Variants in EDAR observed in about 807,000 individuals in gnomAD.
The protein encoded by EDAR is tumor necrosis factor receptor superfamily member EDAR.
EDAR carries 38 observed loss-of-function variants against 51.3 expected under a neutral mutation model. That is an observed-to-expected ratio of 0.74 (90% confidence interval 0.57 to 0.97). The LOEUF (loss-of-function observed/expected upper bound fraction) is 0.97, where lower values mean the gene tolerates loss of function less well. EDAR is among the 50% of genes least tolerant of loss of function. EDAR has a pLI of 0.00. For missense variants in EDAR, 528 were observed against 595.0 expected, an observed-to-expected ratio of 0.89 and a Z score of 1.17; for synonymous variants, 227 against 242.1, an observed-to-expected ratio of 0.94 and a Z score of 0.58.
intron 1 of EDAR, among the ~76,000 whole-genome samples, chr2:108,963,173 C>T (rs1698086292): frequency 6.6e-6 from 1 of 152,204 alleles, no homozygotes; most frequent in African/African-American, 2.4e-5. Context: ...AACAGAGACA[C>T]ATTCCAGTTT....
intron 4 of EDAR, among the ~76,000 whole-genome samples, chr2:108,926,679 C>T (rs1697262600): frequency 1.3e-5 from 2 of 152,226 alleles, no homozygotes; most frequent in African/African-American, 4.8e-5. Flanking sequence ...CACACAACCT[C>T]TCCCAACAGG....
In EDAR at chr2:108,958,277, C is replaced by T. The variant is rs549484264; in HGVS notation, c.-18-27245G>A. Among the ~76,000 whole-genome samples the T allele has an allele frequency of 9.2e-5, 14 of 152,306 alleles. No homozygotes were observed. In the East Asian group the frequency reaches 2.3e-3, roughly 25 times the overall value. On this transcript the variant is annotated intron_variant, in intron 1 of 11. Transcript: ENST00000258443. ...CCTTAAGCTCACTGTTGAGACTCGCCTGTTTTCAAATCAACCGCAGACTGG... is the reference window on the plus strand; with the variant it reads ...CCTTAAGCTCACTGTTGAGACTCGCTTGTTTTCAAATCAACCGCAGACTGG...
chr2:108,962,254 G>A (rs750469878), intron 1 of EDAR, among the ~76,000 whole-genome samples: 5 of 152,194 alleles, frequency 3.3e-5, no homozygotes, highest in Non-Finnish European at 7.3e-5. Flanking sequence ...GTGAACCAAC[G>A]TTCATTCGCA....
At chr2:108,925,028 C>A (rs1697226851) in intron 4 of EDAR, among the ~76,000 whole-genome samples, 1 of 152,224 alleles carries the variant, frequency 6.6e-6, no homozygotes, top group South Asian at 2.1e-4. Flanking sequence ...CTCGCCCTTG[C>A]CTCCTCCACC....
rs144266727 is a variant in EDAR at position 108,953,055 on chromosome 2, TA to T, written c.-18-22024del. On this transcript the variant is annotated intron_variant, in intron 1 of 11. Coordinates refer to ENST00000258443, the MANE Select transcript of EDAR (RefSeq NM_022336.4). Reference sequence around the variant, plus strand: ...TTATGTGGTACATGAGATATTTTGATATAGGCATGCAATGCGTAATAACCAC... The same window carrying T: ...TTATGTGGTACATGAGATATTTTGATTAGGCATGCAATGCGTAATAACCAC... Among the ~76,000 whole-genome samples the T allele has an allele frequency of 9.0e-3, 1,366 of 152,346 alleles. 16 individuals are homozygous for T. The highest frequency in any genetic ancestry group is 0.031 in the African/African-American group (1,294 of 41,570).
At chr2:108,900,325 G>A (rs1558795612) in intron 11 of EDAR, among the ~76,000 whole-genome samples, 1 of 152,228 alleles carries the variant, frequency 6.6e-6, no homozygotes, top group Non-Finnish European at 1.5e-5. Flanking sequence ...GGAGGCCAAG[G>A]CAGATGGATT....
intron 1 of EDAR, among the ~76,000 whole-genome samples, chr2:108,931,931 T>C (rs1281198431): frequency 2.0e-5 from 3 of 152,160 alleles, no homozygotes; most frequent in African/African-American, 7.2e-5. Context: ...CTCTTCTAGA[T>C]GCTGGGTTGT....
chr2:108,936,710 G>A (rs1412771388), intron 1 of EDAR, among the ~76,000 whole-genome samples: 1 of 152,216 alleles, frequency 6.6e-6, no homozygotes, highest in Non-Finnish European at 1.5e-5. Context: ...TCCATTTGAT[G>A]TGATTTACAG....
chr2:108,919,304 A>T (rs947312270), intron 5 of EDAR, among the ~76,000 whole-genome samples: 1 of 152,172 alleles, frequency 6.6e-6, no homozygotes, highest in Non-Finnish European at 1.5e-5. Flanking sequence ...CACTGATGAT[A>T]AGAAAACAGC....
At chr2:108,912,477 C>A (rs1353607081) in intron 6 of EDAR, among the ~76,000 whole-genome samples, 1 of 152,196 alleles carries the variant, frequency 6.6e-6, no homozygotes, top group Non-Finnish European at 1.5e-5. Flanking sequence ...TCCCAGGACA[C>A]CCATAGAGGG....
rs758652158 is a variant in EDAR, at chr2:108,910,843, G to A, written c.663C>T (p.Cys221=). The change falls in exon 8 of 12, where the codon TGC becomes TGT. Residue 221 remains cysteine (C), a synonymous_variant. Transcript: ENST00000258443. ...LKTKPSAPAC[C]TSHPGKSVEA... ...CCACGCTCTTCCCCGGGTGGCTGGT[G>A]CAACAGGCTGGGGAGAGAGGAGGGA... 4 of 1,614,138 alleles carry A rather than the reference G, an allele frequency of 2.5e-6. No individual in the cohort carries two copies. The highest frequency in any genetic ancestry group is 2.5e-6 in the Non-Finnish European group (3 of 1,180,030).
chr2:108,984,859 CTGAA>C (rs1288880309), intron 1 of EDAR, among the ~76,000 whole-genome samples: 2 of 152,190 alleles, frequency 1.3e-5, no homozygotes, highest in Non-Finnish European at 2.9e-5. Flanking sequence ...AAAACATTTG[CTGAA>C]TGAATGAATG....
intron 1 of EDAR, among the ~76,000 whole-genome samples, chr2:108,937,470 T>G (rs1270282185): frequency 6.6e-6 from 1 of 152,118 alleles, no homozygotes; most frequent in Non-Finnish European, 1.5e-5. Flanking sequence ...TGTGTATATG[T>G]GAGTGTGTGC....
At chr2:108,977,468 CA>C (rs1274777636) in intron 1 of EDAR, among the ~76,000 whole-genome samples, 2 of 152,168 alleles carry the variant, frequency 1.3e-5, no homozygotes, top group African/African-American at 4.8e-5. Context: ...GACGCGGTTT[CA>C]CTGTGTTCGC....
intron 2 of EDAR, among the ~76,000 whole-genome samples, chr2:108,930,576 C>T (rs1697349710): frequency 6.6e-6 from 1 of 152,148 alleles, no homozygotes; most frequent in South Asian, 2.1e-4. Context: ...CCCACTGAGC[C>T]TCTAATACAG....
At chr2:108,969,381 G>T (rs552033435) in intron 1 of EDAR, among the ~76,000 whole-genome samples, 52 of 152,244 alleles carry the variant, frequency 3.4e-4, no homozygotes, top group Non-Finnish European at 6.6e-4. Flanking sequence ...AGTTCGGATG[G>T]TTGTATCTCC....
At chr2:108,917,996 G>A (rs183123156) in intron 5 of EDAR, among the ~76,000 whole-genome samples, 29 of 152,212 alleles carry the variant, frequency 1.9e-4, no homozygotes, top group Admixed American at 1.8e-3. Flanking sequence ...ATCCATCCCA[G>A]AATCATACAA....
intron 4 of EDAR, among the ~76,000 whole-genome samples, chr2:108,927,517 C>T (rs774456291): frequency 5.3e-5 from 8 of 152,216 alleles, no homozygotes; most frequent in Non-Finnish European, 8.8e-5. Context: ...TCAGCCCTGG[C>T]CTTCGGGTAC....
At chr2:108,973,005 A>C (rs952256301) in intron 1 of EDAR, among the ~76,000 whole-genome samples, 7 of 150,958 alleles carry the variant, frequency 4.6e-5, no homozygotes, top group Admixed American at 4.6e-4. Flanking sequence ...TTTTTTTTTG[A>C]GATGGAGTTT....
Sources: gnomAD v4.1 joint callset for allele counts (sites outside exome capture counted in the v4.1 genomes callset) on GRCh38, gnomAD v4.1.1 for gene constraint, MANE v1.5 for transcripts, NCBI Gene and HGNC (gene_info 2026-07-23, HGNC 2026-07-21) for gene names.